The following FBXO17 variants were observed in gnomAD, a reference collection of about 807,000 sequenced individuals.
The protein encoded by FBXO17 is F-box protein 17, also known as F-box only protein 17.
A neutral mutation model predicts 34.1 loss-of-function variants in FBXO17; 43 were observed. That is an observed-to-expected ratio of 1.26 (90% CI 0.99 to 1.62). The LOEUF (loss-of-function observed/expected upper bound fraction) is 1.62, where lower values mean the gene tolerates loss of function less well. FBXO17 is among the 40% of genes most tolerant of loss of function. The pLI is 0.00. For missense variants in FBXO17, 424 were observed against 386.7 expected, an observed-to-expected ratio of 1.10 and a Z score of -0.81; for synonymous variants, 169 against 166.0, an observed-to-expected ratio of 1.02 and a Z score of -0.14.
intron 4 of FBXO17, chr19:38,946,106 C>T (rs1393105708): frequency 1.0e-5 from 3 of 297,328 alleles, no homozygotes; most frequent in Non-Finnish European, 1.9e-5. Context: ...AGTCCTGTCC[C>T]AACTATGCTC....
At chr19:38,951,199 ATTTTT>A (rs1440345115) in intron 1 of FBXO17, among the ~76,000 whole-genome samples, 5 of 151,164 alleles carry the variant, frequency 3.3e-5, no homozygotes, top group African/African-American at 1.2e-4. Flanking sequence ...TCACCTCCTT[ATTTTT>A]ATTATTATTA....
chr19:38,951,653 AT>A (rs578199067), intron 1 of FBXO17, among the ~76,000 whole-genome samples: 207 of 129,218 alleles, frequency 1.6e-3, no homozygotes, highest in Middle Eastern at 3.9e-3. Flanking sequence ...TTGGCTTTCT[AT>A]TTTTTTTTTT....
At chr19:38,967,470 A>C (rs78333137) in intron 1 of FBXO17, among the ~76,000 whole-genome samples, 5,446 of 152,176 alleles carry the variant, frequency 0.036, 301 homozygotes, top group African/African-American at 0.12. Flanking sequence ...AGAAAGAAAG[A>C]CAAAAGATTT....
chr19:38,964,359 G>A (rs549180828), intron 1 of FBXO17, among the ~76,000 whole-genome samples: 21 of 151,346 alleles, frequency 1.4e-4, no homozygotes, highest in Admixed American at 2.0e-4. Context: ...TGTTTGAGAC[G>A]GAGTCTCACC....
chr19:38,968,857 C>T (rs1185382094), intron 1 of FBXO17, among the ~76,000 whole-genome samples: 1 of 152,058 alleles, frequency 6.6e-6, no homozygotes, highest in Non-Finnish European at 1.5e-5. Context: ...TCTTTTTGAT[C>T]AGAAAGTAGA....
chr19:38,958,664 A>T (rs559323173), intron 1 of FBXO17, among the ~76,000 whole-genome samples: 2 of 152,166 alleles, frequency 1.3e-5, no homozygotes, highest in East Asian at 3.9e-4. Flanking sequence ...TGTCAGAGTG[A>T]CCGGGGAATG....
At chr19:38,966,782 A>G (rs1600204275) in intron 1 of FBXO17, among the ~76,000 whole-genome samples, 1 of 152,214 alleles carries the variant, frequency 6.6e-6, no homozygotes, top group African/African-American at 2.4e-5. Flanking sequence ...TTCTCTTTAC[A>G]TTGGCTTTAC....
At chr19:38,962,207 A>T (rs1975261837) in intron 1 of FBXO17, among the ~76,000 whole-genome samples, 1 of 151,762 alleles carries the variant, frequency 6.6e-6, no homozygotes, top group Non-Finnish European at 1.5e-5. Flanking sequence ...AAAAAATAAA[A>T]AAAAATAAAT....
Position 38,954,769 on chromosome 19 carries a change from A to G in FBXO17, c.-17-4433T>C, listed in dbSNP as rs1568441683. 6.0e-5 allele frequency among the ~76,000 whole-genome samples: 9 copies of G among 149,894 alleles called. No individual in the cohort carries two copies. The South Asian group carries it at 1.7e-3, about 28-fold the overall frequency. ...TAATTTTTATATTTTTAGTAGAGACAGGGTTTCACCATGTTGGCCAGGCTG... is the reference window on the plus strand; with the variant it reads ...TAATTTTTATATTTTTAGTAGAGACGGGGTTTCACCATGTTGGCCAGGCTG... On this transcript the variant is annotated intron_variant, in intron 1 of 5. Coordinates refer to ENST00000292852, the MANE Select transcript of FBXO17 (RefSeq NM_024907.7).
chr19:38,969,695 CA>C (rs1975367129), intron 1 of FBXO17, among the ~76,000 whole-genome samples: 1 of 145,494 alleles, frequency 6.9e-6, no homozygotes, highest in South Asian at 2.2e-4. Flanking sequence ...CTTCTGGGTT[CA>C]AGTGATTCTT....
chr19:38,945,742 C>T (rs1317589434), intron 4 of FBXO17: 3 of 140,952 alleles, frequency 2.1e-5, no homozygotes, highest in African/African-American at 9.7e-5. Flanking sequence ...GGAGGAGAAG[C>T]CTGGGTGACC....
intron 4 of FBXO17, chr19:38,946,214 T>C: frequency 1.8e-6 from 1 of 560,206 alleles, no homozygotes; most frequent in Non-Finnish European, 3.1e-6. Flanking sequence ...CAGAGGGGTA[T>C]CAAGCCAGTC....
In FBXO17 at chr19:38,946,974, G is replaced by A. The variant is rs779456547; in HGVS notation, c.462-407C>T. 6 of 190,246 alleles carry A rather than the reference G, an allele frequency of 3.2e-5. No homozygotes were observed. The South Asian group carries it at 4.5e-4, about 14-fold the overall frequency. 11.8% of individuals were successfully genotyped at this position (190,246 alleles called of 1,614,324 possible). A position where few individuals can be genotyped will look rare whatever the true frequency, so the allele number is the denominator to read the frequency against. On this transcript the variant is annotated intron_variant, in intron 3 of 5. Transcript: ENST00000292852. ...GTTGGATCAGCCAATGGGATGCTCC[G>A]GCAGGGGATGGAAGTGAAAGAGGTG...
chr19:38,962,162 C>T (rs992857797), intron 1 of FBXO17, among the ~76,000 whole-genome samples: 3 of 148,914 alleles, frequency 2.0e-5, no homozygotes, highest in Non-Finnish European at 4.4e-5. Context: ...CTGCCTCCTG[C>T]CTGGACAAGA....
intron 1 of FBXO17, among the ~76,000 whole-genome samples, chr19:38,954,866 C>T (rs943750276): frequency 8.6e-5 from 13 of 150,428 alleles, no homozygotes; most frequent in African/African-American, 3.2e-4. Context: ...CAGGCGTGAG[C>T]CACTGCGCCT....
chr19:38,960,865 G>A (rs902874241), intron 1 of FBXO17, among the ~76,000 whole-genome samples: 6 of 149,734 alleles, frequency 4.0e-5, no homozygotes, highest in African/African-American at 2.5e-5. Flanking sequence ...GGAGTGCAAC[G>A]GCATGATCTC....
intron 4 of FBXO17, chr19:38,946,246 C>A (rs1001648147): frequency 2.8e-6 from 2 of 716,894 alleles, no homozygotes; most frequent in Non-Finnish European, 4.4e-6. Flanking sequence ...GTGGACCACC[C>A]CAGCCTGCTG....
At chr19:38,968,626 G>T (rs529410078) in intron 1 of FBXO17, among the ~76,000 whole-genome samples, 2 of 152,184 alleles carry the variant, frequency 1.3e-5, no homozygotes, top group South Asian at 2.1e-4. Context: ...AATGTTCATA[G>T]CAGCTTTATA....
intron 1 of FBXO17, among the ~76,000 whole-genome samples, chr19:38,969,940 CCCCATGA>C (rs1975370722): frequency 6.6e-6 from 1 of 151,774 alleles, no homozygotes; most frequent in South Asian, 2.1e-4. Flanking sequence ...AATGTGCCTG[CCCCATGA>C]CCCAGCAACT....
Sources: gnomAD v4.1 joint callset for allele counts (sites outside exome capture counted in the v4.1 genomes callset) on GRCh38, gnomAD v4.1.1 for gene constraint, MANE v1.5 for transcripts, NCBI Gene and HGNC (gene_info 2026-07-23, HGNC 2026-07-21) for gene names.